The following SPATC1L variants were observed in gnomAD, a reference collection of about 807,000 sequenced individuals.
The protein encoded by SPATC1L is spermatogenesis and centriole associated 1 like, also known as speriolin-like protein.
A neutral mutation model predicts 21.2 loss-of-function variants in SPATC1L; 20 were observed. That is an observed-to-expected ratio of 0.94 (90% CI 0.66 to 1.37). The LOEUF (loss-of-function observed/expected upper bound fraction) is 1.37. Ranked by LOEUF, SPATC1L falls within the 40% of genes most tolerant of loss-of-function variation. SPATC1L has a pLI of 0.00. For synonymous variants in SPATC1L, 290 were observed against 234.5 expected (o/e 1.24, Z -2.16); for missense variants, 499 against 478.7 (o/e 1.04, Z -0.40).
chr21:46,161,312 G>A lies in SPATC1L; in HGVS notation c.*67C>T. On this transcript the variant is annotated 3_prime_UTR_variant, in exon 5 of 5. Transcript: ENST00000291672. Reference sequence around the variant, plus strand: ...CTTTCCCCTCCGGGGGGACGCGCAGGAGGCACCGCGGCCCCGGGTTGGAAC... The same window carrying A: ...CTTTCCCCTCCGGGGGGACGCGCAGAAGGCACCGCGGCCCCGGGTTGGAAC... 2 of 1,391,228 alleles carry A rather than the reference G, an allele frequency of 1.4e-6. No homozygotes were observed. Among genetic ancestry groups the A allele is most frequent in the Non-Finnish European group, 1.9e-6 (2 of 1,060,776 alleles). The allele number at this position is 1,391,228 out of a possible 1,614,324, so 86.2% of individuals were successfully genotyped here.
chr21:46,182,165 C>T (rs1471830114), intron 2 of SPATC1L, among the ~76,000 whole-genome samples: 1 of 152,150 alleles, frequency 6.6e-6, no homozygotes, highest in Non-Finnish European at 1.5e-5. Context: ...TGGCCTGGCT[C>T]TGGCCGGGGA....
intron 1 of SPATC1L, among the ~76,000 whole-genome samples, chr21:46,184,098 A>T (rs2079704990): frequency 6.6e-6 from 1 of 151,164 alleles, no homozygotes; most frequent in Non-Finnish European, 1.5e-5. Flanking sequence ...TCACTCCCTG[A>T]TGAGAAGGGT....
chr21:46,171,139 G>C (rs2079586801), intron 2 of SPATC1L, among the ~76,000 whole-genome samples: 1 of 152,186 alleles, frequency 6.6e-6, no homozygotes, highest in Non-Finnish European at 1.5e-5. Flanking sequence ...ACACCTCCTG[G>C]CCCCACACCC....
At chr21:46,161,859 C>G (rs926023501) in intron 4 of SPATC1L, 57 bp downstream of exon 4, 19 of 1,577,844 alleles carry the variant, frequency 1.2e-5, no homozygotes, top group East Asian at 6.8e-5. Context: ...GGGGGCCGCA[C>G]AGGGACGGAC....
intron 3 of SPATC1L, among the ~76,000 whole-genome samples, chr21:46,166,495 A>T (rs573944819): frequency 1.7e-5 from 2 of 120,482 alleles, no homozygotes; most frequent in African/African-American, 4.4e-5. Flanking sequence ...CTGAATGGAT[A>T]AAAAAAAAAC....
chr21:46,161,943 C>T lies in SPATC1L; in HGVS notation c.669G>A (p.Val223=). ...GCTCGATCTTCTCGGGGATGTTGGC[C>T]ACCGTGAAGCCGTAGAGCCGCGTCA... is the stretch of plus-strand genomic sequence containing the variant. ...PGVTRLYGFT[V]ANIPEKIEQT... The change falls in exon 4 of 5, where the codon GTG becomes GTA. Residue 223 remains valine, a synonymous_variant. Transcript: ENST00000291672. 1.2e-6 allele frequency: 2 copies of T among 1,607,932 alleles called. No individual in the cohort carries two copies. The highest frequency in any genetic ancestry group is 1.7e-6 in the Non-Finnish European group (2 of 1,179,408).
chr21:46,172,142 G>C (rs1443752319), intron 2 of SPATC1L, among the ~76,000 whole-genome samples: 71 of 76,608 alleles, frequency 9.3e-4, no homozygotes, highest in South Asian at 2.2e-3. Flanking sequence ...AGTGTGAGGT[G>C]GGGGATGCAA....
intron 2 of SPATC1L, among the ~76,000 whole-genome samples, 195 bp downstream of exon 2, chr21:46,182,429 A>AAGGGG (rs2079681674): frequency 6.6e-6 from 1 of 152,152 alleles, no homozygotes; most frequent in South Asian, 2.1e-4. Context: ...CCAGCGACCG[A>AAGGGG]AGGGGAGGGG....
At position 46,161,354 on chromosome 21, in the gene SPATC1L, G is replaced by C. The variant is rs777806451; in HGVS notation, c.*25C>G. On this transcript the variant is annotated 3_prime_UTR_variant, in exon 5 of 5. Coordinates refer to ENST00000291672, the MANE Select transcript of SPATC1L (RefSeq NM_001142854.2). ...GGTTGGAACAAACGCGTTTACTGCAGGCAAGGCGGCGGGCGCGGGGCGGCT... is the reference window on the plus strand; with the variant it reads ...GGTTGGAACAAACGCGTTTACTGCACGCAAGGCGGCGGGCGCGGGGCGGCT... 6.7e-7 allele frequency: 1 copy of C among 1,491,496 alleles called. No homozygotes were observed. The highest frequency in any genetic ancestry group is 8.9e-7 in the Non-Finnish European group (1 of 1,125,960). 92.4% of individuals were successfully genotyped at this position (1,491,496 alleles called of 1,614,324 possible). A position where few individuals can be genotyped will look rare whatever the true frequency, so the allele number is the denominator to read the frequency against.
rs1022661681 is a variant in SPATC1L, at chr21:46,174,355, A to C, written c.194-5697T>G. 5.9e-4 allele frequency among the ~76,000 whole-genome samples: 89 copies of C among 151,630 alleles called. 1 individual carries two copies. Among genetic ancestry groups the C allele is most frequent in the Non-Finnish European group, 1.0e-3 (71 of 67,896 alleles). ...CTCAAAAAACAAAACAAAAAAAAAA[A>C]AAAAACAGAATGGCAAGCTAGATAA... On this transcript the variant is annotated intron_variant, in intron 2 of 4. Coordinates refer to ENST00000291672, the MANE Select transcript of SPATC1L (RefSeq NM_001142854.2).
At chr21:46,178,036 C>A (rs1423181422) in intron 2 of SPATC1L, among the ~76,000 whole-genome samples, 2 of 151,968 alleles carry the variant, frequency 1.3e-5, no homozygotes, top group East Asian at 3.9e-4. Flanking sequence ...GAGTTCGAGA[C>A]CAGCCTGACC....
Position 46,161,626 on chromosome 21 carries a change from G to C in SPATC1L, c.776C>G (p.Ala259Gly). 2 of 1,610,342 alleles carry C rather than the reference G, an allele frequency of 1.2e-6. No homozygotes were observed. Among genetic ancestry groups the C allele is most frequent in the Non-Finnish European group, 1.7e-6 (2 of 1,179,044 alleles). Reference sequence around the variant, plus strand: ...GCTGTAGCCCAGCTTCTCCAGGCGCGCGCTCAGGGCCAGGTAGCGCTGCGT... The same window carrying C: ...GCTGTAGCCCAGCTTCTCCAGGCGCCCGCTCAGGGCCAGGTAGCGCTGCGT... Reference protein sequence around the residue: ...ELTQRYLALSARLEKLGYSRD... With the variant: ...ELTQRYLALSGRLEKLGYSRD... The change falls in exon 5 of 5, where the codon GCG (alanine) becomes GGG (glycine). Residue 259 changes from alanine to glycine, a missense_variant. By Grantham distance (60) the Ala-to-Gly change is moderately conservative. Transcript: ENST00000291672.
rs551302153 is a variant in SPATC1L at position 46,175,220 on chromosome 21, G to T, written c.194-6562C>A. On this transcript the variant is annotated intron_variant, in intron 2 of 4. Coordinates refer to ENST00000291672, the MANE Select transcript of SPATC1L (RefSeq NM_001142854.2). ...ACATCAAAAAGTTGGAAAGATCTCAGTCAAACAACCTAACATCACAGCTAA... is the reference window on the plus strand; with the variant it reads ...ACATCAAAAAGTTGGAAAGATCTCATTCAAACAACCTAACATCACAGCTAA... Among the ~76,000 whole-genome samples, 6 of 152,200 alleles carry T rather than the reference G, an allele frequency of 3.9e-5. No individual in the cohort carries two copies. The South Asian group carries it at 1.2e-3, about 32-fold the overall frequency.
intron 3 of SPATC1L, among the ~76,000 whole-genome samples, chr21:46,164,896 A>C (rs1213022222): frequency 6.6e-6 from 1 of 152,138 alleles, no homozygotes; most frequent in African/African-American, 2.4e-5. Flanking sequence ...ATTCTAGTAT[A>C]GGTTCTAGAA....
intron 2 of SPATC1L, among the ~76,000 whole-genome samples, chr21:46,170,813 C>G (rs2079582576): frequency 7.9e-6 from 1 of 126,676 alleles, no homozygotes. Flanking sequence ...CTCTGAACAT[C>G]CTCTGTGGAT....
intron 2 of SPATC1L, among the ~76,000 whole-genome samples, chr21:46,177,304 T>A: frequency 6.6e-6 from 1 of 152,074 alleles, no homozygotes; most frequent in East Asian, 1.9e-4. Flanking sequence ...AAATAAACTA[T>A]CAACAGAGTA....
chr21:46,181,983 A>G (rs1246349951), intron 2 of SPATC1L, among the ~76,000 whole-genome samples: 1 of 152,140 alleles, frequency 6.6e-6, no homozygotes. Flanking sequence ...AACCCTATAT[A>G]TATACTTTTT....
chr21:46,178,934 G>A (rs537379231), intron 2 of SPATC1L, among the ~76,000 whole-genome samples: 63 of 151,680 alleles, frequency 4.2e-4, no homozygotes, highest in Middle Eastern at 7.1e-3. Context: ...CTGAATCAAT[G>A]ATTCTATTTT....
chr21:46,171,783 G>A (rs2079592184), intron 2 of SPATC1L, among the ~76,000 whole-genome samples: 1 of 152,082 alleles, frequency 6.6e-6, no homozygotes, highest in African/African-American at 2.4e-5. Context: ...TGCAGGCCTG[G>A]ATGGTCTGTG....
Sources: gnomAD v4.1 joint callset for allele counts (sites outside exome capture counted in the v4.1 genomes callset) on GRCh38, gnomAD v4.1.1 for gene constraint, MANE v1.5 for transcripts, NCBI Gene and HGNC (gene_info 2026-07-23, HGNC 2026-07-21) for gene names.